Variants in OPCML observed in about 807,000 individuals in gnomAD.
OPCML encodes the protein opioid-binding protein/cell adhesion molecule.
A neutral mutation model predicts 37.8 loss-of-function variants in OPCML; 13 were observed. The ratio of observed to expected loss-of-function variants is 0.34; its 90% confidence interval spans 0.22 to 0.55. OPCML has a LOEUF of 0.55. Among genes scored for constraint, OPCML ranks in the 20% least tolerant of loss-of-function variants. The probability of loss-of-function intolerance (pLI) is 0.91; values close to 1 mark genes in which losing one functional copy is unlikely to be tolerated. For synonymous variants in OPCML, 176 were observed against 168.8 expected (o/e 1.04, Z -0.33); for missense variants, 341 against 435.6 (o/e 0.78, Z 1.93).
At chr11:132,575,277 T>G (rs1356169513) in intron 3 of OPCML, among the ~76,000 whole-genome samples, 1 of 152,116 alleles carries the variant, frequency 6.6e-6, no homozygotes, top group Non-Finnish European at 1.5e-5. Flanking sequence ...TTACTATTGC[T>G]AGTTTGTTAG....
chr11:132,463,617 A>G (rs980838067), intron 4 of OPCML, among the ~76,000 whole-genome samples: 1 of 152,202 alleles, frequency 6.6e-6, no homozygotes, highest in African/African-American at 2.4e-5. Flanking sequence ...GGATTAGAAC[A>G]TGCTTTGCCA....
At chr11:133,241,792 C>T (rs942398125) in intron 1 of OPCML, among the ~76,000 whole-genome samples, 27 of 152,198 alleles carry the variant, frequency 1.8e-4, no homozygotes, top group African/African-American at 6.3e-4. Context: ...CCACCCACTG[C>T]GGGCCATCCT....
intron 3 of OPCML, among the ~76,000 whole-genome samples, chr11:132,551,475 A>G (rs150712810): frequency 7.9e-5 from 12 of 152,306 alleles, no homozygotes; most frequent in East Asian, 5.8e-4. Flanking sequence ...TAGTACTAAC[A>G]AATTAGCCAC....
At chr11:133,247,886 G>A (rs1941000011) in intron 1 of OPCML, among the ~76,000 whole-genome samples, 1 of 152,116 alleles carries the variant, frequency 6.6e-6, no homozygotes, top group Non-Finnish European at 1.5e-5. Flanking sequence ...TGGGATTATA[G>A]GCATGAGCCA....
At chr11:133,328,606 G>A (rs905735755) in intron 1 of OPCML, among the ~76,000 whole-genome samples, 1 of 152,104 alleles carries the variant, frequency 6.6e-6, no homozygotes, top group African/African-American at 2.4e-5. Context: ...AAATATTGAG[G>A]ACACAAAGGC....
chr11:133,428,292 C>T (rs1338871921), intron 1 of OPCML, among the ~76,000 whole-genome samples: 1 of 152,104 alleles, frequency 6.6e-6, no homozygotes, highest in Non-Finnish European at 1.5e-5. Flanking sequence ...CAAAGACATC[C>T]ACTTTAAACC....
intron 2 of OPCML, among the ~76,000 whole-genome samples, chr11:132,812,048 C>T (rs747428692): frequency 4.6e-5 from 7 of 152,158 alleles, no homozygotes; most frequent in Non-Finnish European, 1.0e-4. Flanking sequence ...GTCTGGATCC[C>T]CCAGCATTTT....
intron 1 of OPCML, among the ~76,000 whole-genome samples, chr11:133,078,885 T>G (rs928537400): frequency 6.6e-6 from 1 of 152,176 alleles, no homozygotes; most frequent in African/African-American, 2.4e-5. Flanking sequence ...GCTATTCTTT[T>G]ACTGCTTGAG....
At chr11:132,421,346 G>A (rs958060553) in intron 7 of OPCML, among the ~76,000 whole-genome samples, 22 of 152,226 alleles carry the variant, frequency 1.4e-4, no homozygotes, top group African/African-American at 4.3e-4. Context: ...AAAGGAGACA[G>A]TACACCTCTT....
chr11:132,419,338 G>C lies in OPCML; in HGVS notation c.*855C>G, dbSNP rs2136640953. 6.6e-6 allele frequency: 1 copy of C among 152,316 alleles called. No individual in the cohort carries two copies. Among genetic ancestry groups the C allele is most frequent in the East Asian group, 1.9e-4 (1 of 5,190 alleles). The allele number at this position is 152,316 out of a possible 1,614,324, so 9.4% of individuals were successfully genotyped here. A position where few individuals can be genotyped will look rare whatever the true frequency, so the allele number is the denominator to read the frequency against. The stretch of plus-strand genomic sequence containing the variant: ...AGGTGGGTAGATAATTGGATGGTGA[G>C]ATAAATCAGATATTTGAGTAGATGG... On this transcript the variant is annotated 3_prime_UTR_variant, in exon 8 of 8. Coordinates refer to ENST00000524381, the MANE Select transcript of OPCML (RefSeq NM_001012393.5).
At chr11:133,086,168 C>A (rs182835946) in intron 1 of OPCML, among the ~76,000 whole-genome samples, 1 of 152,270 alleles carries the variant, frequency 6.6e-6, no homozygotes, top group African/African-American at 2.4e-5. Context: ...ATTCCATCTG[C>A]CTTGCTCTGA....
At chr11:133,355,135 G>A (rs202148343) in intron 1 of OPCML, among the ~76,000 whole-genome samples, 1 of 151,908 alleles carries the variant, frequency 6.6e-6, no homozygotes, top group Non-Finnish European at 1.5e-5. Context: ...TCAGTTAACT[G>A]ACTAAGAGGA....
chr11:132,899,539 T>G (rs1943973398), intron 2 of OPCML, among the ~76,000 whole-genome samples: 1 of 152,214 alleles, frequency 6.6e-6, no homozygotes, highest in Non-Finnish European at 1.5e-5. Flanking sequence ...TCCTTGTTAC[T>G]GTCTTCATTT....
intron 2 of OPCML, among the ~76,000 whole-genome samples, chr11:132,911,389 G>A (rs1944423648): frequency 6.6e-6 from 1 of 152,190 alleles, no homozygotes. Context: ...AAAGAGACAC[G>A]ACAGAAGGAA....
At chr11:132,559,161 G>A (rs2096404885) in intron 3 of OPCML, among the ~76,000 whole-genome samples, 1 of 151,972 alleles carries the variant, frequency 6.6e-6, no homozygotes, top group South Asian at 2.1e-4. Context: ...AGAGAAGCAA[G>A]AAGGGGAGGG....
At chr11:133,382,387 C>T (rs1213600701) in intron 1 of OPCML, among the ~76,000 whole-genome samples, 2 of 152,136 alleles carry the variant, frequency 1.3e-5, no homozygotes, top group Non-Finnish European at 2.9e-5. Flanking sequence ...CATTCGTGAG[C>T]GATTGGAGAA....
At chr11:133,381,869 A>C (rs1391260028) in intron 1 of OPCML, among the ~76,000 whole-genome samples, 1 of 152,218 alleles carries the variant, frequency 6.6e-6, no homozygotes, top group East Asian at 1.9e-4. Flanking sequence ...GGGTCTTTAA[A>C]AAAGACACTG....
chr11:132,630,877 C>A (rs1940059189), intron 3 of OPCML, among the ~76,000 whole-genome samples: 1 of 152,028 alleles, frequency 6.6e-6, no homozygotes, highest in Non-Finnish European at 1.5e-5. Flanking sequence ...ATATACATTC[C>A]AACTGGGGAA....
intron 2 of OPCML, among the ~76,000 whole-genome samples, chr11:132,661,142 T>G (rs1046759035): frequency 2.6e-5 from 4 of 152,120 alleles, no homozygotes; most frequent in Admixed American, 1.3e-4. Context: ...AAAGCCTGTG[T>G]GTCCCTTGGG....
Sources: allele counts gnomAD v4.1 joint callset (sites outside exome capture counted in the v4.1 genomes callset), GRCh38; gene constraint gnomAD v4.1.1; transcripts MANE v1.5; gene names NCBI Gene and HGNC (gene_info 2026-07-23, HGNC 2026-07-21).